The following PPARGC1A variants were observed in gnomAD, a reference collection of about 807,000 sequenced individuals.
PPARGC1A encodes the protein PPARG coactivator 1 alpha, also known as peroxisome proliferator-activated receptor gamma coactivator 1-alpha.
PPARGC1A carries 25 observed loss-of-function variants against 88.7 expected under a neutral mutation model. The ratio of observed to expected loss-of-function variants is 0.28; its 90% CI spans 0.21 to 0.39. PPARGC1A has a LOEUF of 0.39. Ranked by LOEUF, PPARGC1A falls within the 10% of genes least tolerant of loss-of-function variation. The probability of loss-of-function intolerance (pLI) is 1.00; values close to 1 mark genes in which losing one functional copy is unlikely to be tolerated. For missense variants in PPARGC1A, 880 were observed against 968.7 expected (o/e 0.91, Z 1.22); for synonymous variants, 363 against 355.6 (o/e 1.02, Z -0.24).
chr4:24,173,593 A>G, the PPARGC1A span, among the ~76,000 whole-genome samples: 1 of 152,196 alleles, frequency 6.6e-6, no homozygotes, highest in African/African-American at 2.4e-5. Context: ...TTAGTTATCA[A>G]TGAGACTACA....
chr4:23,810,147 AAACAG>A (rs1720625057), intron 10 of PPARGC1A, among the ~76,000 whole-genome samples: 1 of 152,228 alleles, frequency 6.6e-6, no homozygotes, highest in Non-Finnish European at 1.5e-5. Flanking sequence ...GAAATTGGTT[AAACAG>A]TAAGTCCCAA....
chr4:24,116,789 AC>A, the PPARGC1A span, among the ~76,000 whole-genome samples: 10 of 152,264 alleles, frequency 6.6e-5, no homozygotes, highest in African/African-American at 2.4e-4. Context: ...TTCTGTGAAA[AC>A]TTTGTCTCAA....
At chr4:24,052,638 GAAA>G in the PPARGC1A span, among the ~76,000 whole-genome samples, 1 of 129,076 alleles carries the variant, frequency 7.7e-6, no homozygotes. Flanking sequence ...TTACATCTCA[GAAA>G]AAAAAAAAAA....
At chr4:24,242,627 C>G in the PPARGC1A span, among the ~76,000 whole-genome samples, 1 of 152,192 alleles carries the variant, frequency 6.6e-6, no homozygotes, top group Non-Finnish European at 1.5e-5. Flanking sequence ...CATAGCCAAC[C>G]ATGACCACGT....
chr4:24,166,497 TG>T, the PPARGC1A span, among the ~76,000 whole-genome samples: 1 of 152,188 alleles, frequency 6.6e-6, no homozygotes, highest in Non-Finnish European at 1.5e-5. Flanking sequence ...AGTCAATGCT[TG>T]GCTTCAAAGC....
At chr4:24,352,696 C>T in the PPARGC1A span, among the ~76,000 whole-genome samples, 1 of 152,234 alleles carries the variant, frequency 6.6e-6, no homozygotes. Context: ...CCTGCCCCAG[C>T]CTTGGCATGT....
At chr4:24,177,220 AT>A in the PPARGC1A span, among the ~76,000 whole-genome samples, 2 of 152,092 alleles carry the variant, frequency 1.3e-5, no homozygotes, top group African/African-American at 4.8e-5. Context: ...ACCAACCCAA[AT>A]GTCCAACAAT....
At chr4:24,271,731 T>C in the PPARGC1A span, among the ~76,000 whole-genome samples, 3 of 152,184 alleles carry the variant, frequency 2.0e-5, no homozygotes, top group Admixed American at 6.5e-5. Flanking sequence ...AAGTTCTCTG[T>C]GCCTTAGATT....
chr4:23,910,334 A>ACCC, the PPARGC1A span, among the ~76,000 whole-genome samples: 7 of 58,604 alleles, frequency 1.2e-4, no homozygotes, highest in Non-Finnish European at 1.9e-4. Flanking sequence ...ATTATATATT[A>ACCC]TATATATTAT....
At position 23,793,737 on chromosome 4, in the gene PPARGC1A, A is replaced by G. The variant is rs1232442540; in HGVS notation, c.*2085T>C. ...TTTTTCTGAAGTTTTTATTAAATTT[A>G]GCAGAAGCAATGTCATCAAGAACAA... is the stretch of plus-strand genomic sequence containing the variant. On this transcript the variant is annotated 3_prime_UTR_variant, in exon 13 of 13. Transcript: ENST00000264867. The G allele has an allele frequency of 6.6e-6, 1 of 152,150 alleles. No homozygotes were observed. Among genetic ancestry groups the G allele is most frequent in the Non-Finnish European group, 1.5e-5 (1 of 68,014 alleles). 9.4% of individuals were successfully genotyped at this position (152,150 alleles called of 1,614,324 possible).
At chr4:23,895,192 C>T (rs1048920704) in intron 1 of PPARGC1A, among the ~76,000 whole-genome samples, 5 of 147,090 alleles carry the variant, frequency 3.4e-5, no homozygotes, top group African/African-American at 1.0e-4. Flanking sequence ...TCAAACCATT[C>T]CCGTGATACT....
At chr4:24,117,195 C>A in the PPARGC1A span, among the ~76,000 whole-genome samples, 1 of 152,154 alleles carries the variant, frequency 6.6e-6, no homozygotes, top group Non-Finnish European at 1.5e-5. Flanking sequence ...TTCCAAGAAG[C>A]CCAAATGGCT....
chr4:24,278,393 C>T, the PPARGC1A span, among the ~76,000 whole-genome samples: 1 of 152,126 alleles, frequency 6.6e-6, no homozygotes, highest in Admixed American at 6.5e-5. Flanking sequence ...CAAGTGATGG[C>T]TAATAAGATG....
chr4:24,460,854 A>T, the PPARGC1A span, among the ~76,000 whole-genome samples: 6 of 152,256 alleles, frequency 3.9e-5, no homozygotes, highest in Non-Finnish European at 7.3e-5. Context: ...TTATTGAAGT[A>T]TAATAAATCC....
chr4:24,106,121 C>T, the PPARGC1A span, among the ~76,000 whole-genome samples: 3 of 152,168 alleles, frequency 2.0e-5, no homozygotes, highest in Non-Finnish European at 4.4e-5. Context: ...GATGCCCTCA[C>T]ACACCTAGTT....
the PPARGC1A span, among the ~76,000 whole-genome samples, chr4:24,452,504 G>T: frequency 6.6e-6 from 1 of 152,112 alleles, no homozygotes; most frequent in South Asian, 2.1e-4. Context: ...CAAAGGTTAG[G>T]ATCCATTCGC....
the PPARGC1A span, among the ~76,000 whole-genome samples, chr4:24,104,410 C>T: frequency 2.0e-5 from 3 of 152,122 alleles, no homozygotes; most frequent in African/African-American, 7.2e-5. Context: ...TGGGCTCTGA[C>T]ACTCCCAAGG....
chr4:24,074,333 A>AATAATTAT, the PPARGC1A span, among the ~76,000 whole-genome samples: 8,002 of 152,150 alleles, frequency 0.053, 622 homozygotes, highest in African/African-American at 0.17. Context: ...TGTGAATGGG[A>AATAATTAT]ATAATTATAC....
chr4:23,977,428 T>C, the PPARGC1A span, among the ~76,000 whole-genome samples: 1 of 152,236 alleles, frequency 6.6e-6, no homozygotes, highest in Admixed American at 6.5e-5. Flanking sequence ...AGCTTAGCTA[T>C]CTGTAAAACA....
Sources: allele counts gnomAD v4.1 joint callset (sites outside exome capture counted in the v4.1 genomes callset), GRCh38; gene constraint gnomAD v4.1.1; transcripts MANE v1.5; gene names NCBI Gene and HGNC (gene_info 2026-07-23, HGNC 2026-07-21).